The following MIA2 variants were observed in gnomAD, a reference collection of about 807,000 sequenced individuals.
MIA2 encodes the protein MIA SH3 domain ER export factor 2, also known as melanoma inhibitory activity protein 2.
A neutral mutation model predicts 167.8 loss-of-function variants in MIA2; 127 were observed. The ratio of observed to expected loss-of-function variants is 0.76; its 90% CI spans 0.66 to 0.88. The LOEUF (loss-of-function observed/expected upper bound fraction) is 0.88. Among genes scored for constraint, MIA2 ranks in the 40% least tolerant of loss-of-function variants. The pLI, the probability that MIA2 is intolerant of heterozygous loss-of-function variation, is 0.00. For missense variants in MIA2, 1,690 were observed against 1,624.7 expected (o/e 1.04, Z -0.69); for synonymous variants, 552 against 541.9 (o/e 1.02, Z -0.26).
intron 9 of MIA2, 109 bp from the exon 10 acceptor site, chr14:39,290,910 T>A (rs2060648418): frequency 1.0e-6 from 1 of 1,003,582 alleles, no homozygotes; most frequent in East Asian, 2.8e-5. Context: ...TCCAAGTAAA[T>A]TTAATGTATT....
At position 39,372,091 on chromosome 14, in the gene MIA2, G is replaced by T. The variant is rs553345209; in HGVS notation, c.2249-14794G>T. Among the ~76,000 whole-genome samples, 3 of 152,202 alleles carry T rather than the reference G, an allele frequency of 2.0e-5. No individual in the cohort carries two copies. In the South Asian group the frequency reaches 6.2e-4, roughly 32 times the overall value. On this transcript the variant is annotated intron_variant, in intron 23 of 23. Transcript: ENST00000341502. ...ATGGGATCGGGAGCTTCCCCCTGTGGCTGGACAGGGTAATCCTCATCTGAA... is the reference window on the plus strand; with the variant it reads ...ATGGGATCGGGAGCTTCCCCCTGTGTCTGGACAGGGTAATCCTCATCTGAA...
intron 9 of MIA2, among the ~76,000 whole-genome samples, chr14:39,284,686 A>G (rs1251751086): frequency 6.6e-6 from 1 of 151,810 alleles, no homozygotes; most frequent in Non-Finnish European, 1.5e-5. Flanking sequence ...TCCTTGGTTG[A>G]ATTTGTTCCT....
chr14:39,344,679 A>G (rs2072815223), intron 25 of MIA2, among the ~76,000 whole-genome samples: 1 of 152,172 alleles, frequency 6.6e-6, no homozygotes, highest in African/African-American at 2.4e-5. Flanking sequence ...AGTCAATTAG[A>G]GGCAATTTGG....
intron 10 of MIA2, among the ~76,000 whole-genome samples, 191 bp from the exon 11 acceptor site, chr14:39,293,080 A>G (rs1012776690): frequency 6.6e-6 from 1 of 152,184 alleles, no homozygotes; most frequent in African/African-American, 2.4e-5. Context: ...AGCCTAAAAT[A>G]TTTATTCTCT....
chr14:39,295,302 G>C (rs1372101867), intron 13 of MIA2, among the ~76,000 whole-genome samples: 1 of 152,120 alleles, frequency 6.6e-6, no homozygotes, highest in African/African-American at 2.4e-5. Context: ...CATGCCGAAG[G>C]GGTACAGAGA....
At chr14:39,262,107 G>T (rs1269262705) in intron 6 of MIA2, among the ~76,000 whole-genome samples, 1 of 152,078 alleles carries the variant, frequency 6.6e-6, no homozygotes, top group Non-Finnish European at 1.5e-5. Context: ...TTTCTTCTAG[G>T]GTTTTTACGG....
chr14:39,284,186 G>T (rs1182831247), intron 9 of MIA2, among the ~76,000 whole-genome samples: 1 of 152,030 alleles, frequency 6.6e-6, no homozygotes, highest in Non-Finnish European at 1.5e-5. Flanking sequence ...TGTAGTTTCA[G>T]GTTTTATGTT....
chr14:39,331,796 T>G (rs2068941819), intron 25 of MIA2, among the ~76,000 whole-genome samples: 1 of 152,236 alleles, frequency 6.6e-6, no homozygotes, highest in South Asian at 2.1e-4. Flanking sequence ...CTCTTCTGGC[T>G]TGTAGGGTTT....
At chr14:39,291,775 G>T (rs1217713298) in intron 10 of MIA2, among the ~76,000 whole-genome samples, 1 of 152,146 alleles carries the variant, frequency 6.6e-6, no homozygotes, top group Admixed American at 6.5e-5. Context: ...TAATTTTAAG[G>T]AAGGAAAGTA....
intron 23 of MIA2, among the ~76,000 whole-genome samples, chr14:39,385,049 TAAGAC>T (rs1441968139): frequency 4.6e-5 from 7 of 152,242 alleles, no homozygotes; most frequent in South Asian, 4.1e-4. Context: ...TAAAACTTAT[TAAGAC>T]AAGATAGCAG....
intron 23 of MIA2, among the ~76,000 whole-genome samples, chr14:39,363,083 G>C (rs905836256): frequency 6.6e-6 from 1 of 152,122 alleles, no homozygotes; most frequent in Non-Finnish European, 1.5e-5. Context: ...AAGATATTTG[G>C]TATAGTTTCA....
At chr14:39,321,558 C>T (rs1396998810) in intron 24 of MIA2, among the ~76,000 whole-genome samples, 2 of 151,992 alleles carry the variant, frequency 1.3e-5, no homozygotes, top group Non-Finnish European at 2.9e-5. Context: ...CCTCGTGATC[C>T]ACCCTCCTCG....
rs772483042 is a variant in MIA2 at position 39,319,245 on chromosome 14, A to G, written c.3321A>G (p.Glu1107=). 1.3e-6 allele frequency: 2 copies of G among 1,574,366 alleles called. No individual in the cohort carries two copies. The highest frequency in any genetic ancestry group is 1.7e-5 in the Admixed American group (1 of 57,890). The part of the protein sequence containing the change: ...TETELKFELL[E]KDPYALDVPN... ...CAGAGCTTAAATTTGAACTTTTAGAAAAAGATCCTTATGCACTCGATGTTC... is the reference window on the plus strand; with the variant it reads ...CAGAGCTTAAATTTGAACTTTTAGAGAAAGATCCTTATGCACTCGATGTTC... Residue 1107 remains glutamate, a synonymous_variant, in exon 23 of 29, where the codon GAA becomes GAG. Transcript: ENST00000640607.
At chr14:39,340,193 A>G (rs1013411790) in intron 25 of MIA2, among the ~76,000 whole-genome samples, 5 of 152,164 alleles carry the variant, frequency 3.3e-5, no homozygotes, top group African/African-American at 9.7e-5. Context: ...TTAAAAGAAC[A>G]AGGAGTGTGT....
At chr14:39,294,171 T>G in intron 12 of MIA2, 100 bp downstream of exon 12, 1 of 793,162 alleles carries the variant, frequency 1.3e-6, no homozygotes, top group Non-Finnish European at 2.0e-6. Context: ...ATTTGAGATA[T>G]AGGGGATCCC....
Position 39,234,039 on chromosome 14 carries a change from C to A in MIA2, c.-76C>A. On this transcript the variant is annotated 5_prime_UTR_variant, in exon 1 of 29. Transcript: ENST00000640607. Reference sequence around the variant, plus strand: ...GTTAGTGAAGAGAGTAGAATATCTCCAGTTTTGGCTGACATCTCTACAACC... The same window carrying A: ...GTTAGTGAAGAGAGTAGAATATCTCAAGTTTTGGCTGACATCTCTACAACC... 3 of 802,294 alleles carry A rather than the reference C, an allele frequency of 3.7e-6. No homozygotes were observed. Among genetic ancestry groups the A allele is most frequent in the African/African-American group, 1.8e-5 (1 of 55,728 alleles). 49.7% of individuals were successfully genotyped at this position (802,294 alleles called of 1,614,324 possible). A position where few individuals can be genotyped will look rare whatever the true frequency, so the allele number is the denominator to read the frequency against.
At chr14:39,243,053 G>A (rs1260239037) in intron 3 of MIA2, among the ~76,000 whole-genome samples, 1 of 151,602 alleles carries the variant, frequency 6.6e-6, no homozygotes, top group African/African-American at 2.4e-5. Context: ...AACCCAGAAG[G>A]CGGAGGTTAC....
chr14:39,341,190 T>C (rs1256007441), intron 25 of MIA2, among the ~76,000 whole-genome samples: 1 of 152,042 alleles, frequency 6.6e-6, no homozygotes, highest in Non-Finnish European at 1.5e-5. Context: ...TAGTCCCAGC[T>C]GCTCGGGAGG....
At chr14:39,312,887 TTGTGTGTG>T (rs35409851) in intron 18 of MIA2, among the ~76,000 whole-genome samples, 1 of 150,094 alleles carries the variant, frequency 6.7e-6, no homozygotes, top group Non-Finnish European at 1.5e-5. Flanking sequence ...GTAATTATAA[TTGTGTGTG>T]TGTGTGTGTG....
Sources: allele counts gnomAD v4.1 joint callset (sites outside exome capture counted in the v4.1 genomes callset), GRCh38; gene constraint gnomAD v4.1.1; transcripts MANE v1.5; gene names NCBI Gene and HGNC (gene_info 2026-07-23, HGNC 2026-07-21).